SMAP1: variants seen among roughly 807,000 people sequenced by gnomAD.
SMAP1 encodes the protein stromal membrane-associated protein 1.
In SMAP1, 24 loss-of-function variants were observed where a neutral mutation model predicts 58.5. The observed-to-expected ratio is 0.41, with a 90% confidence interval of 0.30 to 0.58. The LOEUF is 0.58. Among genes scored for constraint, SMAP1 ranks in the 20% least tolerant of loss-of-function variants. SMAP1 has a pLI of 0.29. For missense variants in SMAP1, 563 were observed against 566.3 expected (o/e 0.99, Z 0.06); for synonymous variants, 216 against 196.6 (o/e 1.10, Z -0.82).
chr6:70,837,685 T>A, intron 7 of SMAP1: 2 of 620,172 alleles, frequency 3.2e-6, no homozygotes, highest in Non-Finnish European at 4.2e-6. Flanking sequence ...TTTTTTTACA[T>A]TTTTTTCTTC....
Position 70,804,039 on chromosome 6 carries a change from T to C in SMAP1, c.576+5302T>C, listed in dbSNP as rs1768997673. Reference sequence around the variant, plus strand: ...CAGAGATGAGTTCAAGTCCTGGATATCTTTGTTAACCTTCTGTCTCGTTGA... The same window carrying C: ...CAGAGATGAGTTCAAGTCCTGGATACCTTTGTTAACCTTCTGTCTCGTTGA... On this transcript the variant is annotated intron_variant, in intron 6 of 10. Transcript: ENST00000370455. Among the ~76,000 whole-genome samples the C allele has an allele frequency of 2.6e-5, 4 of 152,332 alleles. No homozygotes were observed. The South Asian group carries it at 8.3e-4, about 32-fold the overall frequency.
At chr6:70,788,840 G>A (rs1768207509) in intron 4 of SMAP1, among the ~76,000 whole-genome samples, 1 of 152,154 alleles carries the variant, frequency 6.6e-6, no homozygotes, top group Non-Finnish European at 1.5e-5. Flanking sequence ...GGCCTTCTAA[G>A]CAGTGATATG....
intron 7 of SMAP1, among the ~76,000 whole-genome samples, chr6:70,838,112 T>C (rs1330790162): frequency 6.6e-6 from 1 of 152,156 alleles, no homozygotes; most frequent in Non-Finnish European, 1.5e-5. Flanking sequence ...CTTGTTTTAT[T>C]TCCTTTACTG....
At chr6:70,805,010 G>T (rs1769055337) in intron 6 of SMAP1, among the ~76,000 whole-genome samples, 1 of 151,482 alleles carries the variant, frequency 6.6e-6, no homozygotes, top group Non-Finnish European at 1.5e-5. Flanking sequence ...GTATCTTTGT[G>T]GTGTTCTGTG....
At chr6:70,785,897 T>G (rs532782792) in intron 4 of SMAP1, among the ~76,000 whole-genome samples, 3 of 152,322 alleles carry the variant, frequency 2.0e-5, no homozygotes, top group African/African-American at 7.2e-5. Flanking sequence ...GTACCATTCC[T>G]TCTGAAACGA....
intron 7 of SMAP1, 76 bp from the exon 8 acceptor site, chr6:70,852,464 C>T (rs1771222447): frequency 5.4e-6 from 7 of 1,301,446 alleles, no homozygotes; most frequent in Non-Finnish European, 7.0e-6. Context: ...AACCATATAT[C>T]AATTTTTAAA....
At chr6:70,798,181 TA>T (rs1005696754) in intron 5 of SMAP1, among the ~76,000 whole-genome samples, 5 of 151,960 alleles carry the variant, frequency 3.3e-5, no homozygotes, top group African/African-American at 7.2e-5. Flanking sequence ...TATTTTGTGA[TA>T]AAAAAAGCTG....
At position 70,667,893 on chromosome 6, in the gene SMAP1, A is replaced by C. The variant is rs1766090446; in HGVS notation, c.-131A>C. On this transcript the variant is annotated 5_prime_UTR_variant, in exon 1 of 11. Coordinates refer to ENST00000370455, the MANE Select transcript of SMAP1 (RefSeq NM_001044305.3). ...CCGCCGCCGCCCCTCCTCCCGTTCC[A>C]GCTGCCGCTGCCGCTTCCTGGGCTG... The C allele has an allele frequency of 1.5e-6, 1 of 668,592 alleles. No homozygotes were observed. The highest frequency in any genetic ancestry group is 2.3e-6 in the Non-Finnish European group (1 of 428,220). The allele number at this position is 668,592 out of a possible 1,614,324, so 41.4% of individuals were successfully genotyped here. A position where few individuals can be genotyped will look rare whatever the true frequency, so the allele number is the denominator to read the frequency against.
Position 70,669,412 on chromosome 6 carries a change from G to C in SMAP1, c.118+1271G>C, listed in dbSNP as rs74996661. Reference sequence around the variant, plus strand: ...CGTAACAGGTACTGAATTACTAGAAGAATCATGCGGGAATACTGTAACTAG... The same window carrying C: ...CGTAACAGGTACTGAATTACTAGAACAATCATGCGGGAATACTGTAACTAG... On this transcript the variant is annotated intron_variant, in intron 1 of 10. Coordinates refer to ENST00000370455, the MANE Select transcript of SMAP1 (RefSeq NM_001044305.3). 2.9e-3 allele frequency among the ~76,000 whole-genome samples: 443 copies of C among 152,294 alleles called. 1 individual carries two copies. Among genetic ancestry groups the C allele is most frequent in the Non-Finnish European group, 5.1e-3 (348 of 68,026 alleles).
chr6:70,715,086 CTTT>C (rs79570681), intron 1 of SMAP1, among the ~76,000 whole-genome samples: 1 of 117,408 alleles, frequency 8.5e-6, no homozygotes. Context: ...GTGTGGGTTT[CTTT>C]TTTTTTTTTT....
intron 3 of SMAP1, among the ~76,000 whole-genome samples, chr6:70,758,374 G>A (rs1293131320): frequency 2.6e-5 from 3 of 116,774 alleles, no homozygotes; most frequent in Admixed American, 2.1e-4. Context: ...CTGTGGTGGG[G>A]TGGGGGGAGG....
chr6:70,701,413 C>T (rs764452354), intron 1 of SMAP1, among the ~76,000 whole-genome samples: 2 of 152,144 alleles, frequency 1.3e-5, no homozygotes, highest in Non-Finnish European at 2.9e-5. Flanking sequence ...GGCTGCAAGC[C>T]CAGCACAGCA....
At chr6:70,708,570 A>T (rs1039286958) in intron 1 of SMAP1, among the ~76,000 whole-genome samples, 1 of 152,216 alleles carries the variant, frequency 6.6e-6, no homozygotes, top group Non-Finnish European at 1.5e-5. Context: ...GTACCAATTT[A>T]CATTCATACC....
intron 6 of SMAP1, among the ~76,000 whole-genome samples, chr6:70,833,687 G>C (rs1770453459): frequency 6.6e-6 from 1 of 152,160 alleles, no homozygotes; most frequent in Non-Finnish European, 1.5e-5. Flanking sequence ...ATCCAGATTT[G>C]TGCTCACATG....
intron 6 of SMAP1, among the ~76,000 whole-genome samples, chr6:70,811,504 A>G (rs899655651): frequency 6.6e-6 from 1 of 152,076 alleles, no homozygotes; most frequent in Non-Finnish European, 1.5e-5. Context: ...GAGATCAGTC[A>G]AGGCTTCCTT....
At chr6:70,740,849 G>T (rs986601374) in intron 2 of SMAP1, among the ~76,000 whole-genome samples, 3 of 152,202 alleles carry the variant, frequency 2.0e-5, no homozygotes, top group African/African-American at 7.2e-5. Flanking sequence ...TGTGGCTGGG[G>T]AGGCCTCAAA....
At chr6:70,755,135 T>A (rs1383247253) in intron 3 of SMAP1, 70 bp downstream of exon 3, 1 of 1,213,540 alleles carries the variant, frequency 8.2e-7, no homozygotes, top group Non-Finnish European at 1.2e-6. Flanking sequence ...ATATTTTATC[T>A]GTTAGTATTT....
intron 1 of SMAP1, among the ~76,000 whole-genome samples, chr6:70,693,221 G>A (rs1767249345): frequency 6.7e-6 from 1 of 149,620 alleles, no homozygotes; most frequent in Non-Finnish European, 1.5e-5. Context: ...CTCCAGTTTT[G>A]TTCTTGTTGC....
At chr6:70,763,821 CT>C (rs1211058939) in intron 3 of SMAP1, among the ~76,000 whole-genome samples, 1 of 152,196 alleles carries the variant, frequency 6.6e-6, no homozygotes, top group African/African-American at 2.4e-5. Flanking sequence ...CTTAACAAAG[CT>C]TTAACTCTTC....
Sources: gnomAD v4.1 joint callset for allele counts (sites outside exome capture counted in the v4.1 genomes callset) on GRCh38, gnomAD v4.1.1 for gene constraint, MANE v1.5 for transcripts, NCBI Gene and HGNC (gene_info 2026-07-23, HGNC 2026-07-21) for gene names.